RUVBL1: variants seen among roughly 807,000 people sequenced by gnomAD.
The protein encoded by RUVBL1 is ruvB-like 1.
RUVBL1 carries 4 observed loss-of-function variants against 52.4 expected under a neutral mutation model. The observed-to-expected ratio is 0.08, with a 90% CI of 0.04 to 0.17. The LOEUF is 0.17. Among genes scored for constraint, RUVBL1 ranks in the 10% least tolerant of loss-of-function variants. The pLI is 1.00. For missense variants in RUVBL1, 298 were observed against 572.8 expected, an observed-to-expected ratio of 0.52 and a Z score of 4.90; for synonymous variants, 217 against 214.4, an observed-to-expected ratio of 1.01 and a Z score of -0.10.
intron 3 of RUVBL1, among the ~76,000 whole-genome samples, chr3:128,107,817 T>C (rs1300126006): frequency 6.6e-6 from 1 of 152,264 alleles, no homozygotes; most frequent in South Asian, 2.1e-4. Context: ...AAGTGAACTT[T>C]GATTTTTTAA....
chr3:128,097,842 A>G lies in RUVBL1; in HGVS notation c.818-344T>C, dbSNP rs1008833651. On this transcript the variant is annotated intron_variant, in intron 7 of 10. Transcript: ENST00000322623. Reference sequence around the variant, plus strand: ...TGCCTTATCACTTCCCACATACCCAATCTAGCTCTGTCTGATCTGGGAGAC... The same window carrying G: ...TGCCTTATCACTTCCCACATACCCAGTCTAGCTCTGTCTGATCTGGGAGAC... Among the ~76,000 whole-genome samples the G allele has an allele frequency of 3.3e-5, 5 of 152,086 alleles. No homozygotes were observed. The East Asian group carries it at 7.7e-4, about 23-fold the overall frequency.
At chr3:128,090,532 A>G (rs916105128) in intron 8 of RUVBL1, among the ~76,000 whole-genome samples, 10 of 152,368 alleles carry the variant, frequency 6.6e-5, no homozygotes, top group African/African-American at 1.9e-4. Flanking sequence ...ACAAAAAAAA[A>G]TTAAAATCTT....
intron 1 of RUVBL1, among the ~76,000 whole-genome samples, chr3:128,141,573 G>A (rs1201818051): frequency 3.3e-5 from 5 of 151,952 alleles, no homozygotes; most frequent in African/African-American, 1.2e-4. Flanking sequence ...CTCGGCTCAC[G>A]GCAACCTCTG....
chr3:128,114,695 G>A (rs1291173064), intron 2 of RUVBL1, among the ~76,000 whole-genome samples: 2 of 152,134 alleles, frequency 1.3e-5, no homozygotes, highest in Non-Finnish European at 2.9e-5. Context: ...CTGCACTTGT[G>A]AGCTCAAGGC....
Position 128,081,439 on chromosome 3 carries a change from G to A in RUVBL1, c.1212-30C>T. 1 of 1,590,598 alleles carries A rather than the reference G, an allele frequency of 6.3e-7. No homozygotes were observed. The highest frequency in any genetic ancestry group is 8.6e-7 in the Non-Finnish European group (1 of 1,163,898). Reference sequence around the variant, plus strand: ...AGTGGACAGGGGCCAGGGCTGGAGTGAAACTGGGGCCACCGAAGAAAGCAC... The same window carrying A: ...AGTGGACAGGGGCCAGGGCTGGAGTAAAACTGGGGCCACCGAAGAAAGCAC... On this transcript the variant is annotated intron_variant, in intron 10 of 10. Transcript: ENST00000322623. This position sits in a 1 kb window ranked among gnomAD's most constrained non-coding sequence, Gnocchi z 4.8.
rs577124812 is a variant in RUVBL1, at chr3:128,115,278, CA to C, written c.229-2259del. ...CTCCAAAGCCATTTTTTTTTGTACT[CA>C]CCCCATGTGAGTGACAAGTGGCACA... On this transcript the variant is annotated intron_variant, in intron 2 of 10. Transcript: ENST00000322623. Among the ~76,000 whole-genome samples, 260 of 152,220 alleles carry C rather than the reference CA, an allele frequency of 1.7e-3. 1 individual carries two copies. The highest frequency in any genetic ancestry group is 5.8e-3 in the African/African-American group (242 of 41,548).
upstream of RUVBL1, among the ~76,000 whole-genome samples, chr3:128,126,312 G>A (rs965092560): frequency 8.5e-5 from 13 of 152,230 alleles, no homozygotes; most frequent in South Asian, 2.1e-4. Flanking sequence ...CTGGGAGGCC[G>A]AGGCAGGTGG....
chr3:128,134,827 A>C (rs1228871016), intron 1 of RUVBL1, among the ~76,000 whole-genome samples: 1 of 152,004 alleles, frequency 6.6e-6, no homozygotes, highest in Non-Finnish European at 1.5e-5. Flanking sequence ...GAAAAGGAAA[A>C]TAAAATGCAA....
At chr3:128,146,324 G>C (rs956183944) in intron 1 of RUVBL1, among the ~76,000 whole-genome samples, 3 of 152,138 alleles carry the variant, frequency 2.0e-5, no homozygotes, top group African/African-American at 7.2e-5. Flanking sequence ...GTCTGTGTGT[G>C]TGTGTGCATG....
At position 128,068,159 on chromosome 3, in the gene RUVBL1, T is replaced by A. The variant is rs2107652752; in HGVS notation, c.940-2939A>T. 6.0e-6 allele frequency: 5 copies of A among 829,502 alleles called. No individual in the cohort carries two copies. The Middle Eastern group carries it at 1.2e-3, about 200-fold the overall frequency. 51.4% of individuals were successfully genotyped at this position (829,502 alleles called of 1,614,324 possible). On this transcript the variant is annotated intron_variant, in intron 9 of 9. Coordinates refer to the RUVBL1 transcript ENST00000464873. ...TAGGCCCTAGCACTTACTGGGTCAC[T>A]AAATCTTATCCTTGGGTTACAGGAC...
intron 1 of RUVBL1, among the ~76,000 whole-genome samples, chr3:128,150,907 A>AAT (rs1213964778): frequency 0.052 from 3,752 of 71,544 alleles, 213 homozygotes; most frequent in African/African-American, 0.075. Context: ...TATATAATAT[A>AAT]ATATTCTATA....
chr3:128,082,161 A>G lies in RUVBL1; in HGVS notation c.1211+322T>C, dbSNP rs528115798. ...GAGAACAGGAGCCAGGGCCCTGGCT[A>G]ATGAGCTACCACATGGTCCCTGCTC... On this transcript the variant is annotated intron_variant, in intron 10 of 10. Coordinates refer to ENST00000322623, the MANE Select transcript of RUVBL1 (RefSeq NM_003707.3). This position sits in a 1 kb window ranked among gnomAD's most constrained non-coding sequence, Gnocchi z 4.7. 2.1e-4 allele frequency: 49 copies of G among 234,884 alleles called. 1 individual carries two copies. In the South Asian group the frequency reaches 3.5e-3, roughly 17 times the overall value. The allele number at this position is 234,884 out of a possible 1,614,324, so 14.5% of individuals were successfully genotyped here. A position where few individuals can be genotyped will look rare whatever the true frequency, so the allele number is the denominator to read the frequency against.
intron 8 of RUVBL1, 83 bp from the exon 9 acceptor site, chr3:128,087,891 C>T (rs756364271): frequency 1.9e-5 from 18 of 959,166 alleles, no homozygotes; most frequent in Non-Finnish European, 3.0e-5. Context: ...AACACTCACA[C>T]CACAAGCAGC....
chr3:128,103,149 TCTC>T (rs938443395), intron 4 of RUVBL1, among the ~76,000 whole-genome samples: 4 of 152,232 alleles, frequency 2.6e-5, no homozygotes, highest in African/African-American at 9.6e-5. Context: ...AATTTCATCT[TCTC>T]CTCTACATTA....
intron 2 of RUVBL1, among the ~76,000 whole-genome samples, chr3:128,117,475 C>T (rs1339347644): frequency 2.6e-5 from 4 of 152,180 alleles, no homozygotes; most frequent in African/African-American, 9.7e-5. Flanking sequence ...CAGACGTTGT[C>T]AAAGTCCCCT....
At chr3:128,077,797 C>T (rs1942375186), downstream of RUVBL1, among the ~76,000 whole-genome samples, 1 of 152,252 alleles carries the variant, frequency 6.6e-6, no homozygotes, top group Non-Finnish European at 1.5e-5. Flanking sequence ...TAGGGAGGGG[C>T]AGGGCCTAGC....
In RUVBL1 at chr3:128,073,235, TC is replaced by T. The variant is rs1035397934; in HGVS notation, c.940-8016del. Among the ~76,000 whole-genome samples, 121 of 152,166 alleles carry T rather than the reference TC, an allele frequency of 8.0e-4. 1 individual carries two copies. Among genetic ancestry groups the T allele is most frequent in the African/African-American group, 2.8e-3 (116 of 41,502 alleles). On this transcript the variant is annotated intron_variant, in intron 9 of 9. Transcript: ENST00000464873. Reference sequence around the variant, plus strand: ...GGAAACAGGCCCCACCCCCGGAGCTTCCCCTTGCTGCCCTTGGCTCAGGGGC... The same window carrying T: ...GGAAACAGGCCCCACCCCCGGAGCTTCCCTTGCTGCCCTTGGCTCAGGGGC...
In RUVBL1 at chr3:128,121,836, T is replaced by A. The variant is rs75723095; in HGVS notation, c.141+1748A>T. Among the ~76,000 whole-genome samples the A allele has an allele frequency of 3.2e-3, 484 of 152,220 alleles. 1 individual carries two copies. The highest frequency in any genetic ancestry group is 5.3e-3 in the Admixed American group (81 of 15,294). On this transcript the variant is annotated intron_variant, in intron 1 of 10. Transcript: ENST00000322623. ...AGAGACTTTACAAACCTTGGAGATG[T>A]GCGTTTATTTACAGACCAGGACCTC... is the stretch of plus-strand genomic sequence containing the variant.
rs1427426955 is a variant in RUVBL1, at chr3:128,101,663, G to A, written c.514-15C>T. On this transcript the variant is annotated splice_polypyrimidine_tract_variant and intron_variant, in intron 4 of 10. Transcript: ENST00000322623. The stretch of plus-strand genomic sequence containing the variant: ...CTGGGGTCCAGCTAAAAAAAAAAAT[G>A]TAAATCAGAAGTGTAATACATATTC... 5 of 1,588,102 alleles carry A rather than the reference G, an allele frequency of 3.1e-6. No homozygotes were observed. In the East Asian group the frequency reaches 8.9e-5, roughly 28 times the overall value.
Sources: allele counts gnomAD v4.1 joint callset (sites outside exome capture counted in the v4.1 genomes callset), GRCh38; gene constraint gnomAD v4.1.1; non-coding constraint Gnocchi (gnomAD v3.1); transcripts MANE v1.5; gene names NCBI Gene and HGNC (gene_info 2026-07-23, HGNC 2026-07-21).